Variants in PTPRG observed in about 807,000 individuals in gnomAD.
PTPRG encodes the protein receptor-type tyrosine-protein phosphatase gamma.
Under a neutral mutation model 165.3 loss-of-function variants are expected in PTPRG, and 102 were observed. The ratio of observed to expected loss-of-function variants is 0.62; its 90% CI spans 0.53 to 0.73. The LOEUF (loss-of-function observed/expected upper bound fraction) is 0.73, where lower values mean the gene tolerates loss of function less well. PTPRG is among the 30% of genes least tolerant of loss of function. PTPRG has a pLI of 0.00. For missense variants in PTPRG, 1,866 were observed against 1,861.4 expected (o/e 1.00, Z -0.05); for synonymous variants, 675 against 669.5 (o/e 1.01, Z -0.13).
intron 1 of PTPRG, among the ~76,000 whole-genome samples, chr3:61,671,890 G>A (rs538202065): frequency 1.4e-5 from 2 of 144,818 alleles, no homozygotes; most frequent in South Asian, 2.2e-4. Context: ...CTGGATGGGC[G>A]GGGGGGGCTG....
intron 1 of PTPRG, among the ~76,000 whole-genome samples, chr3:61,608,062 G>A (rs1701062822): frequency 6.6e-6 from 1 of 151,878 alleles, no homozygotes; most frequent in Non-Finnish European, 1.5e-5. Flanking sequence ...TGAAATAATT[G>A]TCTTTTGGCT....
At chr3:62,029,668 A>G (rs924657625) in intron 4 of PTPRG, among the ~76,000 whole-genome samples, 1 of 152,242 alleles carries the variant, frequency 6.6e-6, no homozygotes, top group Admixed American at 6.5e-5. Flanking sequence ...TATTCCAGCC[A>G]GTCATTTCCC....
At chr3:62,215,399 A>C (rs1327906623) in intron 12 of PTPRG, among the ~76,000 whole-genome samples, 1 of 152,244 alleles carries the variant, frequency 6.6e-6, no homozygotes, top group Non-Finnish European at 1.5e-5. Context: ...CCATTAGTCA[A>C]GGTCAGAGTG....
chr3:62,139,391 G>A (rs1470780201), intron 6 of PTPRG, among the ~76,000 whole-genome samples: 2 of 152,058 alleles, frequency 1.3e-5, no homozygotes, highest in East Asian at 1.9e-4. Flanking sequence ...CCTGAGAGGC[G>A]AAGTTTCCAG....
At chr3:61,874,469 T>TA (rs2037668585) in intron 2 of PTPRG, among the ~76,000 whole-genome samples, 1 of 152,172 alleles carries the variant, frequency 6.6e-6, no homozygotes, top group Non-Finnish European at 1.5e-5. Context: ...GAGAGGTAAA[T>TA]GTCTTTCTTT....
chr3:62,203,713 A>T lies in PTPRG; in HGVS notation c.1918A>T (p.Thr640Ser), dbSNP rs1363754586. ...PNRTAEGGHQ[T>S]IPGHEQDHTA... is the part of the protein sequence containing the mutation. ...CAGGACTGCCGAGGGAGGGCATCAG[A>T]CTATACCTGGGCATGAGCAGGATCA... is the stretch of plus-strand genomic sequence containing the variant. The change falls in exon 12 of 30, where the codon ACT (threonine) becomes TCT (serine). Residue 640 changes from threonine (T) to serine (S), a missense_variant. By Grantham distance (58) the Thr-to-Ser change is moderately conservative. Coordinates refer to ENST00000474889, the MANE Select transcript of PTPRG (RefSeq NM_002841.4). This position sits in a 1 kb window ranked among gnomAD's most constrained non-coding sequence, Gnocchi z 6.4. The T allele has an allele frequency of 1.3e-6, 2 of 1,585,560 alleles. No individual in the cohort carries two copies. Among genetic ancestry groups the T allele is most frequent in the Non-Finnish European group, 1.7e-6 (2 of 1,165,328 alleles).
chr3:62,169,928 G>A (rs1310407551), intron 8 of PTPRG, among the ~76,000 whole-genome samples: 1 of 152,138 alleles, frequency 6.6e-6, no homozygotes, highest in African/African-American at 2.4e-5. Flanking sequence ...GCAGTGACAT[G>A]CACTTTGATG....
intron 6 of PTPRG, among the ~76,000 whole-genome samples, chr3:62,147,704 T>G (rs1704175228): frequency 6.6e-6 from 1 of 152,238 alleles, no homozygotes; most frequent in African/African-American, 2.4e-5. Context: ...CTTCATTCTC[T>G]TTTCACATAA....
chr3:61,620,396 G>A (rs1701416903), intron 1 of PTPRG, among the ~76,000 whole-genome samples: 1 of 152,200 alleles, frequency 6.6e-6, no homozygotes, highest in Non-Finnish European at 1.5e-5. Flanking sequence ...GATTGAATTT[G>A]CAGAGGGAAA....
chr3:62,011,127 C>T (rs1205684882), intron 4 of PTPRG, among the ~76,000 whole-genome samples: 3 of 152,152 alleles, frequency 2.0e-5, no homozygotes, highest in Non-Finnish European at 4.4e-5. Context: ...CTGGTGGCTC[C>T]ACCCCATCCT....
At chr3:62,081,552 C>T (rs778002661) in intron 5 of PTPRG, among the ~76,000 whole-genome samples, 4 of 152,024 alleles carry the variant, frequency 2.6e-5, no homozygotes, top group Non-Finnish European at 5.9e-5. Flanking sequence ...GCTTTGTGGC[C>T]CAGCCTAGTC....
intron 1 of PTPRG, among the ~76,000 whole-genome samples, chr3:61,569,229 G>C (rs1699998521): frequency 6.6e-6 from 1 of 152,128 alleles, no homozygotes; most frequent in Admixed American, 6.5e-5. Flanking sequence ...GAGTTATACA[G>C]AACATAGCAA....
At chr3:61,841,538 T>C (rs571030967) in intron 2 of PTPRG, among the ~76,000 whole-genome samples, 2 of 152,342 alleles carry the variant, frequency 1.3e-5, no homozygotes, top group Admixed American at 1.3e-4. Context: ...TCCGTTTCAC[T>C]GTCAGGTCAA....
intron 2 of PTPRG, among the ~76,000 whole-genome samples, chr3:61,766,143 CT>C (rs2034007680): frequency 6.6e-6 from 1 of 152,056 alleles, no homozygotes; most frequent in Non-Finnish European, 1.5e-5. Context: ...CTCAGAAATA[CT>C]TTTTCTTTAA....
At chr3:61,729,869 T>C (rs1157656602) in intron 1 of PTPRG, among the ~76,000 whole-genome samples, 1 of 152,212 alleles carries the variant, frequency 6.6e-6, no homozygotes, top group African/African-American at 2.4e-5. Context: ...TATTTATTGC[T>C]TTCATTATCA....
chr3:61,656,039 A>AC (rs72439294), intron 1 of PTPRG, among the ~76,000 whole-genome samples: 23 of 131,028 alleles, frequency 1.8e-4, no homozygotes, highest in African/African-American at 6.3e-4. Context: ...ACATAGCAAG[A>AC]CCCCCCCCCC....
intron 2 of PTPRG, among the ~76,000 whole-genome samples, chr3:61,909,417 A>G (rs1206289721): frequency 6.6e-6 from 1 of 152,122 alleles, no homozygotes; most frequent in African/African-American, 2.4e-5. Context: ...TGCTGTGATC[A>G]TGGCTCACTG....
At chr3:61,745,210 A>G (rs996359567) in intron 1 of PTPRG, among the ~76,000 whole-genome samples, 2 of 151,708 alleles carry the variant, frequency 1.3e-5, no homozygotes, top group South Asian at 4.2e-4. Context: ...CACCATGCCC[A>G]GCTCATTTTT....
chr3:62,157,002 G>A, intron 6 of PTPRG, 65 bp from the exon 7 acceptor site: 3 of 1,429,708 alleles, frequency 2.1e-6, no homozygotes, highest in South Asian at 2.4e-5. Flanking sequence ...GGTGTTGACT[G>A]TGTCTGCGGC....
Sources: allele counts gnomAD v4.1 joint callset (sites outside exome capture counted in the v4.1 genomes callset), GRCh38; gene constraint gnomAD v4.1.1; non-coding constraint Gnocchi (gnomAD v3.1); transcripts MANE v1.5; gene names NCBI Gene and HGNC (gene_info 2026-07-23, HGNC 2026-07-21).